Variants in NGLY1 observed in about 807,000 individuals in gnomAD.
NGLY1 encodes N-glycanase 1.
NGLY1 carries 68 observed loss-of-function variants against 84.6 expected under a neutral mutation model. The ratio of observed to expected loss-of-function variants is 0.80; its 90% CI spans 0.66 to 0.98. NGLY1 has a LOEUF of 0.98. NGLY1 is among the 50% of genes least tolerant of loss of function. The probability of loss-of-function intolerance (pLI) is 0.00; values close to 1 mark genes in which losing one functional copy is unlikely to be tolerated. For missense variants in NGLY1, 779 were observed against 770.2 expected, an observed-to-expected ratio of 1.01 and a Z score of -0.14; for synonymous variants, 280 against 275.2, an observed-to-expected ratio of 1.02 and a Z score of -0.17.
intron 3 of NGLY1, chr3:25,755,739 C>T (rs1209725782): frequency 3.9e-6 from 4 of 1,017,466 alleles, no homozygotes; most frequent in Non-Finnish European, 4.4e-6. Context: ...GCCCAATATA[C>T]TGAACTAGAA....
At position 25,720,139 on chromosome 3, in the gene NGLY1, A is replaced by T; in HGVS notation, c.1664T>A (p.Phe555Tyr). 6.2e-7 allele frequency: 1 copy of T among 1,613,900 alleles called. No homozygotes were observed. Among genetic ancestry groups the T allele is most frequent in the Non-Finnish European group, 8.5e-7 (1 of 1,179,896 alleles). The change falls in exon 11 of 12, where the codon TTT becomes TAT. Residue 555 changes from phenylalanine to tyrosine, a missense_variant. Physicochemically the swap from Phe to Tyr is conservative, Grantham distance 22 (BLOSUM62 3). Coordinates refer to ENST00000280700, the MANE Select transcript of NGLY1 (RefSeq NM_018297.4). ...TTTTAGGCCAACTGACCCACACTCA[A>T]ACTTCCAGGAAATATAAGCAAAAGA... ...GSSFAYISWK[F>Y]ECGSVGLKVD...
At position 25,737,411 on chromosome 3, in the gene NGLY1, C is replaced by A. The variant is rs201024071; in HGVS notation, c.926G>T (p.Cys309Phe). ...TGTAAAACAATTGGCCCACTCGCCA[C>A]ACCGTCCACATCTTGTTTCCAAAAG... Reference protein sequence around the residue: ...EKLLETRCGRCGEWANCFTLC... With the variant: ...EKLLETRCGRFGEWANCFTLC... The change falls in exon 6 of 12, where the codon TGT becomes TTT. Residue 309 changes from cysteine (C) to phenylalanine (F), a missense_variant. Transcript: ENST00000280700. 2 of 1,614,004 alleles carry A rather than the reference C, an allele frequency of 1.2e-6. No homozygotes were observed. The highest frequency in any genetic ancestry group is 4.5e-5 in the East Asian group (2 of 44,882).
rs1042496194 is a variant in NGLY1 at position 25,768,128 on chromosome 3, A to G, written c.247-3817T>C. 2.7e-5 allele frequency among the ~76,000 whole-genome samples: 4 copies of G among 150,734 alleles called. No homozygotes were observed. In the East Asian group the frequency reaches 5.8e-4, roughly 22 times the overall value. On this transcript the variant is annotated intron_variant, in intron 2 of 11. Coordinates refer to ENST00000280700, the MANE Select transcript of NGLY1 (RefSeq NM_018297.4). ...ACTCCATCTCAAAAAAAAAAAAAAA[A>G]AAAAAAAAGATTGGCCAGGTGTGGT... is the stretch of plus-strand genomic sequence containing the variant.
intron 1 of NGLY1, among the ~76,000 whole-genome samples, chr3:25,780,450 G>C (rs1708359516): frequency 6.6e-6 from 1 of 152,232 alleles, no homozygotes; most frequent in South Asian, 2.1e-4. Flanking sequence ...AGTACCACCA[G>C]GATGATATAT....
intron 2 of NGLY1, among the ~76,000 whole-genome samples, chr3:25,764,658 C>CA (rs1191835348): frequency 6.6e-6 from 1 of 151,250 alleles, no homozygotes; most frequent in Non-Finnish European, 1.5e-5. Flanking sequence ...ATCCTCTCTG[C>CA]AATAGTATAT....
chr3:25,730,502 A>C (rs1172391488), intron 9 of NGLY1: 1 of 152,192 alleles, frequency 6.6e-6, no homozygotes, highest in Non-Finnish European at 1.5e-5. Context: ...CCATGCATAA[A>C]AAGAAATGAA....
At chr3:25,782,960 T>A (rs1371665419) in intron 1 of NGLY1, 1 of 352,318 alleles carries the variant, frequency 2.8e-6, no homozygotes, top group Non-Finnish European at 5.2e-6. Context: ...CACGCCTTCC[T>A]ACCTCTCCTC....
chr3:25,776,517 C>T (rs1708161783), intron 2 of NGLY1, among the ~76,000 whole-genome samples: 1 of 152,192 alleles, frequency 6.6e-6, no homozygotes, highest in Non-Finnish European at 1.5e-5. Flanking sequence ...TTTATATCCC[C>T]TGCCTAATCT....
At chr3:25,723,567 C>T (rs1476278936) in intron 10 of NGLY1, among the ~76,000 whole-genome samples, 3 of 77,458 alleles carry the variant, frequency 3.9e-5, no homozygotes, top group Non-Finnish European at 1.1e-4. Flanking sequence ...TATAAAAAAC[C>T]TCCAACTCTG....
chr3:25,734,759 G>A (rs769811482), intron 7 of NGLY1: 40 of 909,646 alleles, frequency 4.4e-5, no homozygotes, highest in African/African-American at 7.1e-5. Context: ...TAAAATAAAC[G>A]GAAGAGAATA....
At chr3:25,754,485 T>C (rs992238661) in intron 3 of NGLY1, among the ~76,000 whole-genome samples, 5 of 152,176 alleles carry the variant, frequency 3.3e-5, no homozygotes, top group Middle Eastern at 3.2e-3. Flanking sequence ...TCGCTTTTCA[T>C]TGCAATGATA....
Position 25,761,188 on chromosome 3 carries a change from G to C in NGLY1, c.492+2878C>G, listed in dbSNP as rs187575728. Among the ~76,000 whole-genome samples the C allele has an allele frequency of 2.0e-5, 3 of 152,226 alleles. No homozygotes were observed. In the East Asian group the frequency reaches 5.8e-4, roughly 29 times the overall value. On this transcript the variant is annotated intron_variant, in intron 3 of 11. Transcript: ENST00000280700. ...TCATATACATACTCAAAGTAGTCAT[G>C]TGCTAAATAAAAGCATACATTTAGA...
intron 1 of NGLY1, among the ~76,000 whole-genome samples, chr3:25,789,131 C>T (rs1389925427): frequency 2.6e-5 from 4 of 152,162 alleles, no homozygotes; most frequent in African/African-American, 9.7e-5. Context: ...ACCATCTTGT[C>T]GACTTCTTGC....
intron 5 of NGLY1, among the ~76,000 whole-genome samples, chr3:25,738,812 T>TA (rs1056933108): frequency 1.3e-5 from 2 of 151,756 alleles, no homozygotes; most frequent in African/African-American, 2.4e-5. Context: ...TGTCCTAAGC[T>TA]AAAAAAAATT....
At chr3:25,764,930 G>A (rs928081825) in intron 2 of NGLY1, among the ~76,000 whole-genome samples, 5 of 152,074 alleles carry the variant, frequency 3.3e-5, no homozygotes, top group African/African-American at 1.2e-4. Context: ...AAGGTAATCC[G>A]AACAAAACAA....
intron 4 of NGLY1, among the ~76,000 whole-genome samples, chr3:25,747,652 ACAATAAAAAGCT>A (rs942976010): frequency 2.0e-5 from 3 of 152,176 alleles, no homozygotes; most frequent in Non-Finnish European, 4.4e-5. Flanking sequence ...CACCTTTAAA[ACAATAAAAAGCT>A]CAACTGAAAT....
At chr3:25,748,577 T>C (rs1183510811) in intron 4 of NGLY1, among the ~76,000 whole-genome samples, 1 of 152,250 alleles carries the variant, frequency 6.6e-6, no homozygotes, top group Non-Finnish European at 1.5e-5. Flanking sequence ...AAAATTATCA[T>C]TCTTATTTCT....
At chr3:25,747,105 C>T (rs1294464582) in intron 4 of NGLY1, among the ~76,000 whole-genome samples, 1 of 152,214 alleles carries the variant, frequency 6.6e-6, no homozygotes, top group Admixed American at 6.5e-5. Flanking sequence ...TTGTTGGACT[C>T]TGCTTTACAC....
intron 2 of NGLY1, among the ~76,000 whole-genome samples, chr3:25,766,772 AG>A (rs1707598361): frequency 6.6e-6 from 1 of 152,178 alleles, no homozygotes. Context: ...AGAGCATGAC[AG>A]GTTATTTAGA....
Sources: gnomAD v4.1 joint callset for allele counts (sites outside exome capture counted in the v4.1 genomes callset) on GRCh38, gnomAD v4.1.1 for gene constraint, MANE v1.5 for transcripts, NCBI Gene and HGNC (gene_info 2026-07-23, HGNC 2026-07-21) for gene names.